The following IL1RAPL2 variants were observed in gnomAD, a reference collection of about 807,000 sequenced individuals.
The protein encoded by IL1RAPL2 is X-linked interleukin-1 receptor accessory protein-like 2.
IL1RAPL2 carries 3 observed loss-of-function variants against 44.1 expected under a neutral mutation model. The observed-to-expected ratio is 0.07, with a 90% CI of 0.03 to 0.18. IL1RAPL2 has a LOEUF of 0.18. IL1RAPL2 is among the 10% of genes least tolerant of loss of function. The pLI is 1.00. For missense variants in IL1RAPL2, 391 were observed against 496.4 expected (o/e 0.79, Z 2.02); for synonymous variants, 181 against 178.8 (o/e 1.01, Z -0.10).
chrX:105,590,248 GT>G (rs958362575), intron 6 of IL1RAPL2, among the ~76,000 whole-genome samples: 6 of 111,197 alleles, frequency 5.4e-5, no homozygotes, highest in African/African-American at 1.3e-4. Flanking sequence ...TGTTGTTGTT[GT>G]TTTTTTATGA....
At chrX:105,239,079 A>C (rs1556205121) in intron 4 of IL1RAPL2, among the ~76,000 whole-genome samples, 1 of 111,604 alleles carries the variant, frequency 9.0e-6, no homozygotes, top group African/African-American at 3.3e-5. Context: ...TGAGCTAAAG[A>C]GTCTACTCAC....
At chrX:105,281,262 G>A (rs762662863) in intron 5 of IL1RAPL2, among the ~76,000 whole-genome samples, 24 of 110,723 alleles carry the variant, frequency 2.2e-4, no homozygotes, top group African/African-American at 7.6e-4. Context: ...ATCACACACC[G>A]GGGACTTTTG....
At chrX:105,285,019 T>G (rs2034560451) in intron 5 of IL1RAPL2, among the ~76,000 whole-genome samples, 1 of 112,232 alleles carries the variant, frequency 8.9e-6, no homozygotes, top group South Asian at 3.7e-4. Flanking sequence ...TTCGAGTTTT[T>G]GGACATCAGG....
chrX:104,905,385 A>G (rs1264749614), intron 2 of IL1RAPL2, among the ~76,000 whole-genome samples: 8 of 111,422 alleles, frequency 7.2e-5, no homozygotes, highest in Admixed American at 4.8e-4. Flanking sequence ...GCCCATGTCT[A>G]TGTCCTGAAT....
intron 6 of IL1RAPL2, among the ~76,000 whole-genome samples, chrX:105,517,892 A>G (rs1308139007): frequency 9.0e-6 from 1 of 111,689 alleles, no homozygotes; most frequent in Non-Finnish European, 1.9e-5. Context: ...GGGGTTGAGG[A>G]GAAAAGGAGC....
chrX:104,934,372 A>G (rs1178420700), intron 2 of IL1RAPL2, among the ~76,000 whole-genome samples: 1 of 111,615 alleles, frequency 9.0e-6, no homozygotes, highest in East Asian at 2.8e-4. Context: ...AAATGAGACT[A>G]TTAAAAATGT....
At chrX:105,244,215 G>T (rs1364891916) in intron 4 of IL1RAPL2, among the ~76,000 whole-genome samples, 1 of 111,139 alleles carries the variant, frequency 9.0e-6, no homozygotes, top group Non-Finnish European at 1.9e-5. Context: ...AGAAATTAAG[G>T]ATCCCATTTT....
chrX:104,833,804 C>T (rs896895168), intron 2 of IL1RAPL2, among the ~76,000 whole-genome samples: 1 of 111,751 alleles, frequency 8.9e-6, no homozygotes, highest in Admixed American at 9.5e-5. Context: ...ATTGGGAGAG[C>T]CAAATCAATG....
chrX:105,009,604 T>TG (rs2031012070), intron 2 of IL1RAPL2, among the ~76,000 whole-genome samples: 1 of 26,947 alleles, frequency 3.7e-5, no homozygotes, highest in African/African-American at 1.5e-4. Context: ...TGTTTTGGGG[T>TG]GGGGGGAGGG....
intron 2 of IL1RAPL2, among the ~76,000 whole-genome samples, chrX:105,090,902 A>G (rs751151801): frequency 1.8e-5 from 2 of 111,541 alleles, no homozygotes; most frequent in South Asian, 7.6e-4. Context: ...CCTGAATGTA[A>G]AATTTCTTTT....
At chrX:105,728,133 C>T (rs991370799) in intron 7 of IL1RAPL2, among the ~76,000 whole-genome samples, 8 of 111,613 alleles carry the variant, frequency 7.2e-5, no homozygotes, top group African/African-American at 2.3e-4. Context: ...ATTACAGTAT[C>T]ATACAGATGA....
intron 1 of IL1RAPL2, among the ~76,000 whole-genome samples, chrX:104,626,330 GTT>G (rs1491490410): frequency 1.8e-5 from 2 of 109,407 alleles, no homozygotes; most frequent in Non-Finnish European, 3.8e-5. Context: ...GTGTGTGTGT[GTT>G]TGTGCGTGTC....
intron 2 of IL1RAPL2, among the ~76,000 whole-genome samples, chrX:104,794,585 T>G (rs1932840436): frequency 1.8e-5 from 2 of 111,982 alleles, no homozygotes; most frequent in Admixed American, 9.5e-5. Context: ...GATACAGATT[T>G]TGGTACATGA....
chrX:105,411,983 G>C (rs1355072627), intron 5 of IL1RAPL2, among the ~76,000 whole-genome samples: 1 of 111,222 alleles, frequency 9.0e-6, no homozygotes, highest in East Asian at 2.8e-4. Flanking sequence ...TATAAAACTA[G>C]AAATCAATAA....
intron 1 of IL1RAPL2, among the ~76,000 whole-genome samples, chrX:104,625,491 T>C (rs1929486268): frequency 1.8e-5 from 2 of 111,574 alleles, no homozygotes; most frequent in Admixed American, 1.9e-4. Flanking sequence ...ATATCAACAT[T>C]ATATTATAAT....
At chrX:105,622,214 T>C (rs972793173) in intron 6 of IL1RAPL2, among the ~76,000 whole-genome samples, 3 of 108,692 alleles carry the variant, frequency 2.8e-5, no homozygotes, top group Non-Finnish European at 5.7e-5. Flanking sequence ...TTATATTAAA[T>C]ATGTATTCAG....
At chrX:105,395,472 TAAGA>T (rs1362418044) in intron 5 of IL1RAPL2, among the ~76,000 whole-genome samples, 29 of 110,673 alleles carry the variant, frequency 2.6e-4, no homozygotes, top group Admixed American at 1.2e-3. Flanking sequence ...ATTTATTTCG[TAAGA>T]AAGAAAGGTG....
chrX:105,160,581 A>G (rs917238228), intron 2 of IL1RAPL2, among the ~76,000 whole-genome samples: 5 of 110,902 alleles, frequency 4.5e-5, no homozygotes, highest in Admixed American at 9.7e-5. Context: ...AAATATATTA[A>G]AACAGTTTAC....
chrX:105,073,457 G>A (rs2032240516), intron 2 of IL1RAPL2, among the ~76,000 whole-genome samples: 2 of 110,237 alleles, frequency 1.8e-5, no homozygotes, highest in Admixed American at 1.9e-4. Flanking sequence ...TTGGACATTT[G>A]GGTTGGTTCC....
Sources: allele counts gnomAD v4.1 joint callset (sites outside exome capture counted in the v4.1 genomes callset), GRCh38; gene constraint gnomAD v4.1.1; transcripts MANE v1.5; gene names NCBI Gene and HGNC (gene_info 2026-07-23, HGNC 2026-07-21).